The following TMEM135 variants were observed in gnomAD, a reference collection of about 807,000 sequenced individuals.
The protein encoded by TMEM135 is transmembrane protein 135, also known as peroxisomal membrane protein 52.
TMEM135 carries 30 observed loss-of-function variants against 60.3 expected under a neutral mutation model. The observed-to-expected ratio is 0.50, with a 90% confidence interval of 0.37 to 0.68. The LOEUF (loss-of-function observed/expected upper bound fraction) is 0.68. Among genes scored for constraint, TMEM135 ranks in the 30% least tolerant of loss-of-function variants. The pLI is 0.00. For synonymous variants in TMEM135, 190 were observed against 186.7 expected (o/e 1.02, Z -0.14); for missense variants, 468 against 548.8 (o/e 0.85, Z 1.47).
chr11:87,196,408 T>C (rs1939958768), intron 5 of TMEM135, among the ~76,000 whole-genome samples: 2 of 152,142 alleles, frequency 1.3e-5, no homozygotes, highest in African/African-American at 4.8e-5. Flanking sequence ...ATTAACTTAG[T>C]TTGGCACAGA....
chr11:87,276,577 T>C (rs150950313), intron 6 of TMEM135, among the ~76,000 whole-genome samples: 3 of 151,992 alleles, frequency 2.0e-5, no homozygotes, highest in Non-Finnish European at 4.4e-5. Flanking sequence ...TGTGTGTGTG[T>C]GTATTCACTG....
intron 6 of TMEM135, chr11:87,259,259 CAT>C: frequency 2.3e-6 from 1 of 428,010 alleles, no homozygotes; most frequent in South Asian, 2.1e-5. Flanking sequence ...CGACAGCGGC[CAT>C]GGCTGTAGGG....
chr11:87,311,105 G>A (rs1041232978), intron 10 of TMEM135, among the ~76,000 whole-genome samples: 3 of 84,050 alleles, frequency 3.6e-5, no homozygotes, highest in Non-Finnish European at 8.4e-5. Flanking sequence ...ATATATATAT[G>A]TCTATATATA....
intron 1 of TMEM135, among the ~76,000 whole-genome samples, chr11:87,058,284 A>G (rs930028303): frequency 6.6e-6 from 1 of 152,114 alleles, no homozygotes; most frequent in Non-Finnish European, 1.5e-5. Context: ...TAAACATGGT[A>G]TACAGAAAAA....
intron 5 of TMEM135, among the ~76,000 whole-genome samples, chr11:87,200,807 G>T (rs2135330234): frequency 6.6e-6 from 1 of 152,192 alleles, no homozygotes; most frequent in African/African-American, 2.4e-5. Flanking sequence ...GAAAACCATT[G>T]ATCTTTTCAC....
At chr11:87,093,100 C>T (rs1246167097) in intron 4 of TMEM135, among the ~76,000 whole-genome samples, 1 of 152,128 alleles carries the variant, frequency 6.6e-6, no homozygotes, top group South Asian at 2.1e-4. Flanking sequence ...TGTCCCTCTT[C>T]ATATTTTCTT....
chr11:87,299,780 C>T (rs1013380914), intron 7 of TMEM135, among the ~76,000 whole-genome samples: 1 of 152,056 alleles, frequency 6.6e-6, no homozygotes, highest in African/African-American at 2.4e-5. Flanking sequence ...TTAGGCAAAC[C>T]TTACCTAGCG....
chr11:87,300,966 GTTC>G (rs1942436750), intron 7 of TMEM135, among the ~76,000 whole-genome samples: 1 of 151,216 alleles, frequency 6.6e-6, no homozygotes, highest in East Asian at 1.9e-4. Context: ...TGTTCTATCT[GTTC>G]TGGCATAGTT....
At position 87,322,331 on chromosome 11, in the gene TMEM135, A is replaced by G. The variant is rs746962682; in HGVS notation, c.*998A>G. On this transcript the variant is annotated 3_prime_UTR_variant, in exon 15 of 15. Transcript: ENST00000305494. ...TTTTGCACCTGAAAACACTATAAAA[A>G]TCCAGTGGTTGTTTAAAAAGTCCAT... 6 of 453,920 alleles carry G rather than the reference A, an allele frequency of 1.3e-5. No individual in the cohort carries two copies. The highest frequency in any genetic ancestry group is 2.2e-5 in the Non-Finnish European group (5 of 226,742). 28.1% of individuals were successfully genotyped at this position (453,920 alleles called of 1,614,324 possible).
chr11:87,073,826 C>A (rs545133065), intron 3 of TMEM135, among the ~76,000 whole-genome samples: 1 of 152,124 alleles, frequency 6.6e-6, no homozygotes, highest in African/African-American at 2.4e-5. Flanking sequence ...TGCCACCACG[C>A]CTGGCTAATT....
intron 1 of TMEM135, among the ~76,000 whole-genome samples, chr11:87,038,600 TTTA>T (rs1949724122): frequency 7.9e-6 from 1 of 126,638 alleles, no homozygotes; most frequent in Non-Finnish European, 1.6e-5. Context: ...TTTCCCCTGT[TTTA>T]TTTTGCTTTT....
Position 87,262,096 on chromosome 11 carries a change from A to G in TMEM135, c.509+25412A>G, listed in dbSNP as rs147993414. ...TAGGGGCTGCAAAAAAAATCTATAA[A>G]TAAGTATTTAAACCTTCTCAACAGA... On this transcript the variant is annotated intron_variant, in intron 6 of 14. Coordinates refer to ENST00000305494, the MANE Select transcript of TMEM135 (RefSeq NM_022918.4). 7.4e-4 allele frequency among the ~76,000 whole-genome samples: 112 copies of G among 152,350 alleles called. No homozygotes were observed. The Middle Eastern group carries it at 0.01, about 14-fold the overall frequency.
At chr11:87,113,479 T>G (rs1857804583) in intron 4 of TMEM135, among the ~76,000 whole-genome samples, 1 of 152,130 alleles carries the variant, frequency 6.6e-6, no homozygotes, top group Non-Finnish European at 1.5e-5. Flanking sequence ...AACTCTTTTA[T>G]AAAACCAAAC....
intron 6 of TMEM135, among the ~76,000 whole-genome samples, chr11:87,270,141 T>C (rs575753396): frequency 1.3e-5 from 2 of 149,004 alleles, no homozygotes; most frequent in East Asian, 3.9e-4. Flanking sequence ...CATAAATGTC[T>C]TCTTTTGAGA....
At chr11:87,141,344 A>G (rs1417129161) in intron 4 of TMEM135, among the ~76,000 whole-genome samples, 2 of 152,056 alleles carry the variant, frequency 1.3e-5, no homozygotes, top group Non-Finnish European at 2.9e-5. Context: ...TTTGTATTCT[A>G]ATGGAATGGA....
intron 1 of TMEM135, among the ~76,000 whole-genome samples, chr11:87,061,512 A>G (rs1949946866): frequency 1.3e-5 from 2 of 152,224 alleles, no homozygotes; most frequent in African/African-American, 4.8e-5. Flanking sequence ...ATTGACTCTT[A>G]TTTGCAAACT....
intron 4 of TMEM135, among the ~76,000 whole-genome samples, chr11:87,107,245 TTTG>T (rs2135193062): frequency 6.6e-6 from 1 of 152,312 alleles, no homozygotes; most frequent in South Asian, 2.1e-4. Flanking sequence ...GGTTATATAA[TTTG>T]TTGGCATATA....
intron 6 of TMEM135, among the ~76,000 whole-genome samples, chr11:87,269,090 G>T (rs1941809740): frequency 1.3e-5 from 2 of 149,626 alleles, no homozygotes; most frequent in African/African-American, 2.5e-5. Context: ...AATACGCAAT[G>T]CACATTTTAT....
At chr11:87,114,595 A>T (rs1016352643) in intron 4 of TMEM135, among the ~76,000 whole-genome samples, 6 of 152,204 alleles carry the variant, frequency 3.9e-5, no homozygotes, top group Non-Finnish European at 8.8e-5. Context: ...CTGATGTTCA[A>T]TTATATGAAT....
Sources: allele counts gnomAD v4.1 joint callset (sites outside exome capture counted in the v4.1 genomes callset), GRCh38; gene constraint gnomAD v4.1.1; transcripts MANE v1.5; gene names NCBI Gene and HGNC (gene_info 2026-07-23, HGNC 2026-07-21).